Variants in MAP2 observed in about 807,000 individuals in gnomAD.
MAP2 encodes the protein microtubule associated protein 2.
A neutral mutation model predicts 137.6 loss-of-function variants in MAP2; 14 were observed. The observed-to-expected ratio is 0.10, with a 90% CI of 0.07 to 0.16. The LOEUF (loss-of-function observed/expected upper bound fraction) is 0.16, where lower values mean the gene tolerates loss of function less well. MAP2 is among the 10% of genes least tolerant of loss of function. The pLI, the probability that MAP2 is intolerant of heterozygous loss-of-function variation, is 1.00. For missense variants in MAP2, 2,088 were observed against 2,191.5 expected (o/e 0.95, Z 0.94); for synonymous variants, 786 against 782.3 (o/e 1.00, Z -0.08).
At position 209,733,287 on chromosome 2, in the gene MAP2, G is replaced by A. The variant is rs900097985; in HGVS notation, c.*2890G>A. ...GTTCATGATGAGTTTCAAAGGCCAC[G>A]TTCATTTAGGAACCAACTCTCTCTG... is the stretch of plus-strand genomic sequence containing the variant. On this transcript the variant is annotated 3_prime_UTR_variant, in exon 16 of 16. Coordinates refer to ENST00000682079, the MANE Select transcript of MAP2 (RefSeq NM_001375505.1). 4 of 152,554 alleles carry A rather than the reference G, an allele frequency of 2.6e-5. No homozygotes were observed. The highest frequency in any genetic ancestry group is 9.7e-5 in the African/African-American group (4 of 41,414). The allele number at this position is 152,554 out of a possible 1,614,324, so 9.5% of individuals were successfully genotyped here.
intron 7 of MAP2, among the ~76,000 whole-genome samples, chr2:209,689,674 A>G (rs1428131527): frequency 1.3e-5 from 2 of 152,100 alleles, no homozygotes; most frequent in South Asian, 2.1e-4. Context: ...TTGCCACTCA[A>G]TTATCTTTCC....
intron 7 of MAP2, among the ~76,000 whole-genome samples, chr2:209,682,949 G>A (rs140397647): frequency 6.6e-6 from 1 of 152,222 alleles, no homozygotes; most frequent in Admixed American, 6.5e-5. Context: ...AAGCATCAGA[G>A]AATCCTCTTA....
intron 10 of MAP2, among the ~76,000 whole-genome samples, chr2:209,698,758 C>A (rs1183695492): frequency 6.6e-6 from 1 of 152,110 alleles, no homozygotes; most frequent in Non-Finnish European, 1.5e-5. Context: ...AGGTTTTTAG[C>A]TTCATTAAAC....
At chr2:209,450,484 A>G (rs542376227) in intron 1 of MAP2, among the ~76,000 whole-genome samples, 1 of 152,318 alleles carries the variant, frequency 6.6e-6, no homozygotes, top group South Asian at 2.1e-4. Context: ...GTCTTAGGGA[A>G]GAATCATAAA....
At chr2:209,640,229 G>A (rs1184403092) in intron 4 of MAP2, among the ~76,000 whole-genome samples, 1 of 151,958 alleles carries the variant, frequency 6.6e-6, no homozygotes, top group Non-Finnish European at 1.5e-5. Context: ...GTACCACACT[G>A]TATTATTGTT....
chr2:209,652,815 A>G (rs933406674), intron 4 of MAP2, among the ~76,000 whole-genome samples: 12 of 152,214 alleles, frequency 7.9e-5, no homozygotes, highest in Admixed American at 7.9e-4. Flanking sequence ...GTTCATTAAG[A>G]TGTATACCTA....
intron 3 of MAP2, 43 bp from the exon 4 acceptor site, chr2:209,625,010 A>T (rs1163694564): frequency 6.6e-6 from 1 of 152,162 alleles, no homozygotes; most frequent in Non-Finnish European, 1.5e-5. Context: ...ATTAATGTAT[A>T]TGGATCAGGG....
chr2:209,661,191 C>T (rs555706368), intron 5 of MAP2, among the ~76,000 whole-genome samples: 1 of 152,316 alleles, frequency 6.6e-6, no homozygotes, highest in South Asian at 2.1e-4. Context: ...TTTCTCACCT[C>T]GCCCTTTCTC....
chr2:209,670,138 T>C (rs887584798), intron 5 of MAP2, among the ~76,000 whole-genome samples: 4 of 151,990 alleles, frequency 2.6e-5, no homozygotes, highest in African/African-American at 9.7e-5. Flanking sequence ...GTGTTAAAAC[T>C]ATTGAAAATT....
Position 209,732,686 on chromosome 2 carries a change from C to G in MAP2, c.*2289C>G, listed in dbSNP as rs1032824745. On this transcript the variant is annotated 3_prime_UTR_variant, in exon 16 of 16. Transcript: ENST00000682079. Reference sequence around the variant, plus strand: ...TGAAATAAGTATTTTTCTCAACATTCTTTAAAGTTTTTATATAAGTTAACA... The same window carrying G: ...TGAAATAAGTATTTTTCTCAACATTGTTTAAAGTTTTTATATAAGTTAACA... The G allele has an allele frequency of 1.3e-5, 2 of 152,522 alleles. No homozygotes were observed. The highest frequency in any genetic ancestry group is 2.9e-5 in the Non-Finnish European group (2 of 68,012). 9.4% of individuals were successfully genotyped at this position (152,522 alleles called of 1,614,324 possible). A position where few individuals can be genotyped will look rare whatever the true frequency, so the allele number is the denominator to read the frequency against.
intron 2 of MAP2, among the ~76,000 whole-genome samples, chr2:209,553,050 C>T (rs1470583419): frequency 4.0e-5 from 6 of 150,782 alleles, no homozygotes; most frequent in South Asian, 2.1e-4. Flanking sequence ...CTCACTCTGT[C>T]GCCCAGGCTG....
intron 9 of MAP2, 50 bp downstream of exon 9, chr2:209,696,798 T>G: frequency 6.4e-7 from 1 of 1,570,216 alleles, no homozygotes; most frequent in Non-Finnish European, 8.6e-7. Flanking sequence ...TAATTCATTA[T>G]TACTTTTTTG....
chr2:209,656,063 C>T (rs1013735826), intron 5 of MAP2, among the ~76,000 whole-genome samples: 1 of 152,152 alleles, frequency 6.6e-6, no homozygotes, highest in African/African-American at 2.4e-5. Context: ...CTCACTTCAA[C>T]CAAGATCCTT....
intron 3 of MAP2, among the ~76,000 whole-genome samples, chr2:209,586,950 C>T (rs2077902420): frequency 1.3e-5 from 2 of 152,304 alleles, no homozygotes; most frequent in South Asian, 4.1e-4. Flanking sequence ...TGCCTGTCTA[C>T]TCCCGAGTTT....
intron 5 of MAP2, among the ~76,000 whole-genome samples, chr2:209,669,568 A>T (rs1370542491): frequency 6.6e-6 from 1 of 152,068 alleles, no homozygotes; most frequent in Non-Finnish European, 1.5e-5. Flanking sequence ...TTCCAATGAC[A>T]TCCTTTTAGA....
intron 15 of MAP2, 74 bp from the exon 16 acceptor site, chr2:209,730,108 C>A: frequency 1.5e-6 from 2 of 1,300,148 alleles, no homozygotes; most frequent in Admixed American, 1.8e-5. Flanking sequence ...AATGTCAGCC[C>A]TGGGAGATGG....
intron 1 of MAP2, among the ~76,000 whole-genome samples, chr2:209,442,141 A>G (rs1697945981): frequency 6.6e-6 from 1 of 151,620 alleles, no homozygotes; most frequent in Admixed American, 6.6e-5. Flanking sequence ...TGTTCTAACC[A>G]GGGCTACATA....
At position 209,630,953 on chromosome 2, in the gene MAP2, T is replaced by C. The variant is rs998267197; in HGVS notation, c.-30+5824T>C. ...CTTAAAAGTCTTATTCAAGCTCTCCTTGTCCCTTGAGCTAGAAAGTAGCAT... is the reference window on the plus strand; with the variant it reads ...CTTAAAAGTCTTATTCAAGCTCTCCCTGTCCCTTGAGCTAGAAAGTAGCAT... On this transcript the variant is annotated intron_variant, in intron 4 of 15. Transcript: ENST00000682079. 5.9e-5 allele frequency among the ~76,000 whole-genome samples: 8 copies of C among 135,940 alleles called. No individual in the cohort carries two copies. The East Asian group carries it at 1.7e-3, about 30-fold the overall frequency. 89.2% of individuals were successfully genotyped at this position (135,940 alleles called of 152,430 possible).
intron 1 of MAP2, among the ~76,000 whole-genome samples, chr2:209,446,870 A>T (rs896980517): frequency 6.6e-6 from 1 of 151,890 alleles, no homozygotes; most frequent in Non-Finnish European, 1.5e-5. Flanking sequence ...TCCAAGTTCA[A>T]AATTAAAGAG....
Sources: gnomAD v4.1 joint callset for allele counts (sites outside exome capture counted in the v4.1 genomes callset) on GRCh38, gnomAD v4.1.1 for gene constraint, MANE v1.5 for transcripts, NCBI Gene and HGNC (gene_info 2026-07-23, HGNC 2026-07-21) for gene names.